RBPJ: variants seen among roughly 807,000 people sequenced by gnomAD.
The protein encoded by RBPJ is recombining binding protein suppressor of hairless.
A neutral mutation model predicts 67.8 loss-of-function variants in RBPJ; 9 were observed. The ratio of observed to expected loss-of-function variants is 0.13; its 90% CI spans 0.08 to 0.23. The LOEUF is 0.23. Ranked by LOEUF, RBPJ falls within the 10% of genes least tolerant of loss-of-function variation. The pLI, the probability that RBPJ is intolerant of heterozygous loss-of-function variation, is 1.00. For missense variants in RBPJ, 305 were observed against 595.6 expected, an observed-to-expected ratio of 0.51 and a Z score of 5.08; for synonymous variants, 198 against 203.3, an observed-to-expected ratio of 0.97 and a Z score of 0.22.
At chr4:26,109,582 TATATATATATATATATACA>T in the RBPJ span, among the ~76,000 whole-genome samples, 8 of 64,030 alleles carry the variant, frequency 1.2e-4, no homozygotes, top group South Asian at 5.5e-4. Flanking sequence ...TCTCTCTCTA[TATATATATATATATATACA>T]GCCACTGTGC....
At chr4:26,174,264 A>G (rs758139966) in intron 1 of RBPJ, among the ~76,000 whole-genome samples, 8 of 152,182 alleles carry the variant, frequency 5.3e-5, no homozygotes, top group Non-Finnish European at 8.8e-5. Context: ...CCTTATCTCT[A>G]AAATGGGGCC....
At chr4:26,220,203 T>C (rs1718856866) in intron 1 of RBPJ, among the ~76,000 whole-genome samples, 1 of 152,210 alleles carries the variant, frequency 6.6e-6, no homozygotes, top group Admixed American at 6.5e-5. Flanking sequence ...CTAGTTAATA[T>C]GCAGATGAGC....
chr4:26,240,578 C>T (rs912341793), intron 1 of RBPJ, among the ~76,000 whole-genome samples: 1 of 152,184 alleles, frequency 6.6e-6, no homozygotes, highest in African/African-American at 2.4e-5. Flanking sequence ...TGAGGAAGAG[C>T]ATGTTTTAGT....
intron 1 of RBPJ, among the ~76,000 whole-genome samples, chr4:26,210,024 T>G (rs990775971): frequency 1.3e-5 from 2 of 152,180 alleles, no homozygotes; most frequent in East Asian, 3.9e-4. Flanking sequence ...TAAAACCATA[T>G]GAGGACCCAC....
the RBPJ span, among the ~76,000 whole-genome samples, chr4:26,119,101 T>C: frequency 2.6e-5 from 4 of 152,222 alleles, no homozygotes; most frequent in African/African-American, 7.2e-5. Context: ...TAATCTTACC[T>C]ACCTTATAAT....
chr4:26,309,410 G>A (rs1415873992), intron 1 of RBPJ, among the ~76,000 whole-genome samples: 1 of 152,014 alleles, frequency 6.6e-6, no homozygotes, highest in Non-Finnish European at 1.5e-5. Context: ...ACTGAACATG[G>A]GTATGGGTAA....
Position 26,282,138 on chromosome 4 carries a change from T to C in RBPJ, c.-166-80308T>C, listed in dbSNP as rs889799171. 1.3e-4 allele frequency among the ~76,000 whole-genome samples: 7 copies of C among 53,488 alleles called. No homozygotes were observed. In the South Asian group the frequency reaches 1.7e-3, roughly 13 times the overall value. 35.1% of individuals were successfully genotyped at this position (53,488 alleles called of 152,430 possible). ...CATTCGTAATCCTCTCTCTCTCTCT[T>C]TTTTTTTTTTTTTTTTTTGCTAATG... On this transcript the variant is annotated intron_variant, in intron 1 of 4. Transcript: ENST00000512351.
chr4:26,127,378 A>G, the RBPJ span, among the ~76,000 whole-genome samples: 1 of 152,190 alleles, frequency 6.6e-6, no homozygotes, highest in Admixed American at 6.5e-5. Context: ...CACCAACCAT[A>G]TGGAGATTGG....
chr4:26,422,970 A>G (rs1169000917), intron 5 of RBPJ, among the ~76,000 whole-genome samples: 1 of 152,218 alleles, frequency 6.6e-6, no homozygotes, highest in Non-Finnish European at 1.5e-5. Context: ...GTCCTTGAGT[A>G]TAATCTATGG....
At chr4:26,199,131 A>C (rs913779108) in intron 1 of RBPJ, among the ~76,000 whole-genome samples, 6 of 152,196 alleles carry the variant, frequency 3.9e-5, no homozygotes, top group African/African-American at 1.2e-4. Flanking sequence ...GTGGGAAGTC[A>C]TCTGAGAGAA....
At chr4:26,316,328 T>G (rs1449421311), upstream of RBPJ, among the ~76,000 whole-genome samples, 2 of 147,676 alleles carry the variant, frequency 1.4e-5, no homozygotes, top group African/African-American at 2.5e-5. Context: ...CATATTCATA[T>G]ATATACATTC....
the RBPJ span, among the ~76,000 whole-genome samples, chr4:26,109,729 C>A: frequency 0.35 from 22,744 of 65,918 alleles, 6,002 homozygotes; most frequent in Middle Eastern, 0.62. Flanking sequence ...CTCTCTCTCT[C>A]TATATATATA....
intron 1 of RBPJ, among the ~76,000 whole-genome samples, chr4:26,234,034 A>G (rs1426324420): frequency 6.6e-6 from 1 of 152,266 alleles, no homozygotes; most frequent in Non-Finnish European, 1.5e-5. Flanking sequence ...GTGAATAAAC[A>G]TAGCTTAGAA....
At chr4:26,332,232 A>G (rs1166645164) in intron 1 of RBPJ, among the ~76,000 whole-genome samples, 2 of 152,056 alleles carry the variant, frequency 1.3e-5, no homozygotes, top group Admixed American at 1.3e-4. Context: ...AAAAAAAAAA[A>G]GACCTTTCAG....
chr4:26,287,844 C>T (rs79839568), intron 1 of RBPJ, among the ~76,000 whole-genome samples: 1,556 of 151,596 alleles, frequency 0.01, 22 homozygotes, highest in African/African-American at 0.036. Flanking sequence ...AGAAGAACTC[C>T]AATAGAAGAA....
chr4:26,110,617 CACA>C, the RBPJ span, among the ~76,000 whole-genome samples: 81 of 152,314 alleles, frequency 5.3e-4, no homozygotes, highest in Admixed American at 3.8e-3. The surrounding 1 kb of genome is among the most constrained non-coding windows in gnomAD (Gnocchi z 4.5). Flanking sequence ...TAACCGGAAA[CACA>C]ACATTTTCCA....
intron 1 of RBPJ, among the ~76,000 whole-genome samples, chr4:26,171,206 T>A (rs575055318): frequency 1.3e-5 from 2 of 152,346 alleles, no homozygotes; most frequent in Non-Finnish European, 1.5e-5. Flanking sequence ...GAGTTTCACA[T>A]GAAATATTTC....
At chr4:26,305,664 T>C (rs886206819) in intron 1 of RBPJ, among the ~76,000 whole-genome samples, 2 of 151,926 alleles carry the variant, frequency 1.3e-5, no homozygotes, top group African/African-American at 2.4e-5. Context: ...TGAAAATATA[T>C]AGAATACAAT....
chr4:26,123,347 A>G, the RBPJ span, among the ~76,000 whole-genome samples: 1 of 152,232 alleles, frequency 6.6e-6, no homozygotes, highest in Non-Finnish European at 1.5e-5. Flanking sequence ...GTACATCTGT[A>G]TAGAACACTT....
Sources: allele counts gnomAD v4.1 joint callset (sites outside exome capture counted in the v4.1 genomes callset), GRCh38; gene constraint gnomAD v4.1.1; non-coding constraint Gnocchi (gnomAD v3.1); transcripts MANE v1.5; gene names NCBI Gene and HGNC (gene_info 2026-07-23, HGNC 2026-07-21).